ROBO2: variants seen among roughly 807,000 people sequenced by gnomAD.
The protein encoded by ROBO2 is roundabout homolog 2.
Under a neutral mutation model 160.8 loss-of-function variants are expected in ROBO2, and 53 were observed. The observed-to-expected ratio is 0.33, with a 90% confidence interval of 0.26 to 0.41. The LOEUF (loss-of-function observed/expected upper bound fraction) is 0.41. ROBO2 is among the 10% of genes least tolerant of loss of function. The probability of loss-of-function intolerance (pLI) is 1.00; values close to 1 mark genes in which losing one functional copy is unlikely to be tolerated. For synonymous variants in ROBO2, 664 were observed against 611.7 expected (o/e 1.09, Z -1.26); for missense variants, 1,577 against 1,722.4 (o/e 0.92, Z 1.49).
At chr3:76,997,856 G>A (rs1267720226) in intron 2 of ROBO2, among the ~76,000 whole-genome samples, 1 of 152,150 alleles carries the variant, frequency 6.6e-6, no homozygotes, top group African/African-American at 2.4e-5. Flanking sequence ...CAGTTGCCAT[G>A]TCAGCTGGGA....
chr3:76,368,752 G>T (rs1053820849), intron 2 of ROBO2, among the ~76,000 whole-genome samples: 1 of 151,906 alleles, frequency 6.6e-6, no homozygotes, highest in African/African-American at 2.4e-5. Flanking sequence ...GTATCAGGAC[G>T]TGGGATCTAT....
At chr3:77,535,707 C>T (rs1450859316) in intron 6 of ROBO2, among the ~76,000 whole-genome samples, 1 of 152,052 alleles carries the variant, frequency 6.6e-6, no homozygotes, top group African/African-American at 2.4e-5. Context: ...TACAAACGCA[C>T]TGGTAAAGTA....
chr3:76,779,053 C>T (rs1250173121), intron 2 of ROBO2, among the ~76,000 whole-genome samples: 1 of 151,052 alleles, frequency 6.6e-6, no homozygotes, highest in Non-Finnish European at 1.5e-5. Context: ...ACTTCATAAT[C>T]TCTACCTCTC....
intron 2 of ROBO2, among the ~76,000 whole-genome samples, chr3:76,029,587 A>C (rs575820701): frequency 1.3e-5 from 2 of 151,962 alleles, no homozygotes; most frequent in Non-Finnish European, 2.9e-5. Context: ...TCATTGTTCA[A>C]TTCTCACCTG....
chr3:76,006,845 A>G (rs2066031711), intron 2 of ROBO2, among the ~76,000 whole-genome samples: 1 of 152,152 alleles, frequency 6.6e-6, no homozygotes. Context: ...ACTATATTGG[A>G]AATTAAATAT....
chr3:76,384,846 G>A (rs2076804851), intron 2 of ROBO2, among the ~76,000 whole-genome samples: 1 of 152,202 alleles, frequency 6.6e-6, no homozygotes, highest in South Asian at 2.1e-4. Context: ...CGACACGTGA[G>A]GATTAGGGGA....
At chr3:77,209,282 CA>C (rs1374483457) in intron 2 of ROBO2, among the ~76,000 whole-genome samples, 1 of 151,924 alleles carries the variant, frequency 6.6e-6, no homozygotes, top group Non-Finnish European at 1.5e-5. Flanking sequence ...CTTAGATAAT[CA>C]AAAAACATCT....
At chr3:77,428,131 T>A (rs972608832) in intron 2 of ROBO2, among the ~76,000 whole-genome samples, 5 of 151,984 alleles carry the variant, frequency 3.3e-5, no homozygotes, top group Admixed American at 6.6e-5. Flanking sequence ...TTTTTGAAAT[T>A]TTTATGCTTT....
chr3:76,031,689 A>T (rs1203940470), intron 2 of ROBO2, among the ~76,000 whole-genome samples: 1 of 152,080 alleles, frequency 6.6e-6, no homozygotes, highest in Admixed American at 6.6e-5. Context: ...ATGTTAAACC[A>T]GCCTTGCATC....
chr3:77,200,290 TATATATATATATATATATATATATATATA>T (rs1406995886), intron 2 of ROBO2, among the ~76,000 whole-genome samples: 2 of 63,572 alleles, frequency 3.1e-5, no homozygotes, highest in East Asian at 8.7e-4. Flanking sequence ...TATATATATA[TATATATATATATATATATATATATATATA>T]TATTTTAGTT....
intron 1 of ROBO2, among the ~76,000 whole-genome samples, chr3:77,064,231 G>A (rs2066608699): frequency 1.3e-5 from 2 of 152,048 alleles, no homozygotes; most frequent in East Asian, 3.9e-4. Flanking sequence ...AAAGTAAGGT[G>A]TAAACATTAG....
At chr3:76,770,122 G>A (rs1470885354) in intron 2 of ROBO2, among the ~76,000 whole-genome samples, 1 of 151,310 alleles carries the variant, frequency 6.6e-6, no homozygotes, top group East Asian at 2.0e-4. Flanking sequence ...TTAATTCACT[G>A]GTTTAGACTG....
intron 2 of ROBO2, among the ~76,000 whole-genome samples, chr3:76,092,292 T>G (rs2069267903): frequency 6.6e-6 from 1 of 152,168 alleles, no homozygotes; most frequent in Non-Finnish European, 1.5e-5. Context: ...TTGTTAAAAT[T>G]TACTTGATTA....
intron 2 of ROBO2, among the ~76,000 whole-genome samples, chr3:76,953,545 T>C (rs2079074976): frequency 6.6e-6 from 1 of 152,198 alleles, no homozygotes; most frequent in South Asian, 2.1e-4. Flanking sequence ...TTGCTGATAC[T>C]CATGTAATTC....
intron 2 of ROBO2, among the ~76,000 whole-genome samples, chr3:75,967,012 A>C (rs540397410): frequency 6.6e-6 from 1 of 151,598 alleles, no homozygotes; most frequent in Admixed American, 6.6e-5. Flanking sequence ...GTGTGTGTGC[A>C]TGTGTATTTA....
intron 2 of ROBO2, among the ~76,000 whole-genome samples, chr3:76,302,479 AG>A (rs1357912966): frequency 6.6e-6 from 1 of 152,080 alleles, no homozygotes; most frequent in Non-Finnish European, 1.5e-5. Flanking sequence ...AAGAGCACTC[AG>A]GGGAGAACCG....
At chr3:76,985,664 T>A (rs2060341100) in intron 2 of ROBO2, among the ~76,000 whole-genome samples, 2 of 142,650 alleles carry the variant, frequency 1.4e-5, no homozygotes, top group South Asian at 4.6e-4. Context: ...TAGGAGGACA[T>A]AATCAATTTG....
chr3:77,588,519 CATAGCAA>C (rs2094109100), intron 16 of ROBO2, among the ~76,000 whole-genome samples: 1 of 152,032 alleles, frequency 6.6e-6, no homozygotes, highest in Admixed American at 6.6e-5. Flanking sequence ...TGAATCCATC[CATAGCAA>C]ACCACAACAC....
At chr3:76,771,162 T>C (rs2061881935) in intron 2 of ROBO2, among the ~76,000 whole-genome samples, 1 of 151,154 alleles carries the variant, frequency 6.6e-6, no homozygotes, top group Non-Finnish European at 1.5e-5. Flanking sequence ...TATGTACAAT[T>C]TGAGATGTGC....
Sources: gnomAD v4.1 joint callset for allele counts (sites outside exome capture counted in the v4.1 genomes callset) on GRCh38, gnomAD v4.1.1 for gene constraint, MANE v1.5 for transcripts, NCBI Gene and HGNC (gene_info 2026-07-23, HGNC 2026-07-21) for gene names.